Variants in RANBP17 observed in about 807,000 individuals in gnomAD.
RANBP17 encodes the protein RAN binding protein 17, also known as ran-binding protein 17.
A neutral mutation model predicts 141.2 loss-of-function variants in RANBP17; 158 were observed. That is an observed-to-expected ratio of 1.12 (90% CI 0.98 to 1.28). RANBP17 has a LOEUF of 1.28. Ranked by LOEUF, RANBP17 falls within the 50% of genes most tolerant of loss-of-function variation. RANBP17 has a pLI of 0.00. For missense variants in RANBP17, 1,438 were observed against 1,290.7 expected (o/e 1.11, Z -1.75); for synonymous variants, 430 against 450.0 (o/e 0.96, Z 0.56).
chr5:171,205,746 A>C, intron 20 of RANBP17, 134 bp downstream of exon 20: 1 of 743,880 alleles, frequency 1.3e-6, no homozygotes, highest in Non-Finnish European at 2.4e-6. Flanking sequence ...TCAGCTAAAA[A>C]TTACAGCACA....
intron 5 of RANBP17, among the ~76,000 whole-genome samples, chr5:170,909,452 G>A (rs1381901206): frequency 2.0e-5 from 3 of 151,344 alleles, no homozygotes; most frequent in Non-Finnish European, 4.4e-5. Context: ...TTTATAATCT[G>A]TGTTGTTTAT....
chr5:170,991,907 T>C lies in RANBP17; in HGVS notation c.1710+23530T>C, dbSNP rs114478263. Among the ~76,000 whole-genome samples the C allele has an allele frequency of 4.0e-3, 602 of 152,152 alleles. 7 individuals carry two copies. The highest frequency in any genetic ancestry group is 0.014 in the African/African-American group (577 of 41,546). On this transcript the variant is annotated intron_variant, in intron 14 of 27. Coordinates refer to ENST00000523189, the MANE Select transcript of RANBP17 (RefSeq NM_022897.5). ...GTAATCTTTAGAACATCTAATGTAA[T>C]TCTAAATTTGTGTTGGAAACCAACC...
intron 14 of RANBP17, among the ~76,000 whole-genome samples, chr5:170,981,997 G>A (rs1384379241): frequency 6.6e-6 from 1 of 152,164 alleles, no homozygotes; most frequent in Non-Finnish European, 1.5e-5. Context: ...AGCACAACTG[G>A]AGATTGTCTC....
At chr5:170,957,551 T>G (rs953928368) in intron 13 of RANBP17, among the ~76,000 whole-genome samples, 7 of 152,352 alleles carry the variant, frequency 4.6e-5, no homozygotes, top group East Asian at 1.9e-4. Context: ...CTTTCCCAAC[T>G]GAGGTTGAAC....
intron 14 of RANBP17, among the ~76,000 whole-genome samples, chr5:171,124,686 G>A (rs538300522): frequency 6.6e-6 from 1 of 152,058 alleles, no homozygotes; most frequent in East Asian, 1.9e-4. Context: ...GAAAACACAT[G>A]AAAGTATAAA....
At chr5:170,903,293 ACCGC>A (rs1770800616) in intron 5 of RANBP17, among the ~76,000 whole-genome samples, 1 of 151,886 alleles carries the variant, frequency 6.6e-6, no homozygotes, top group Non-Finnish European at 1.5e-5. Flanking sequence ...TGAGGGCAAA[ACCGC>A]CTACTCAAGC....
chr5:170,996,743 ATAATT>A (rs1355121632), intron 14 of RANBP17, among the ~76,000 whole-genome samples: 1 of 152,198 alleles, frequency 6.6e-6, no homozygotes, highest in East Asian at 1.9e-4. Context: ...TTAGAAAAGA[ATAATT>A]TATCTTTCTC....
At chr5:170,894,829 T>C (rs1168638683) in intron 4 of RANBP17, among the ~76,000 whole-genome samples, 4 of 152,162 alleles carry the variant, frequency 2.6e-5, no homozygotes, top group African/African-American at 9.7e-5. Context: ...TATGTAAGAC[T>C]GTAAATGAAC....
At chr5:171,268,403 A>G (rs1251030506) in intron 25 of RANBP17, among the ~76,000 whole-genome samples, 1 of 152,166 alleles carries the variant, frequency 6.6e-6, no homozygotes, top group Non-Finnish European at 1.5e-5. Context: ...TTGGAATTTG[A>G]AGCAAGGTCT....
At chr5:171,184,506 TAC>T (rs957148802) in intron 18 of RANBP17, among the ~76,000 whole-genome samples, 5 of 141,966 alleles carry the variant, frequency 3.5e-5, no homozygotes, top group African/African-American at 5.0e-5. Flanking sequence ...GGTCAAAAGA[TAC>T]AAAGTTTCAG....
At chr5:170,877,810 A>C (rs748752190) in intron 1 of RANBP17, among the ~76,000 whole-genome samples, 4 of 152,108 alleles carry the variant, frequency 2.6e-5, no homozygotes, top group African/African-American at 2.4e-5. Flanking sequence ...TCTCAGCATA[A>C]ATATTATTTC....
chr5:170,965,898 A>G (rs1209135268), intron 13 of RANBP17, among the ~76,000 whole-genome samples: 2 of 152,096 alleles, frequency 1.3e-5, no homozygotes, highest in African/African-American at 2.4e-5. Flanking sequence ...TTTTGGTTCC[A>G]TATGAACTTT....
At chr5:171,095,053 C>G (rs544987428) in intron 14 of RANBP17, among the ~76,000 whole-genome samples, 1 of 152,178 alleles carries the variant, frequency 6.6e-6, no homozygotes, top group African/African-American at 2.4e-5. Context: ...AGGCCCTTGT[C>G]AGATGCTGGT....
In RANBP17 at chr5:171,270,023, G is replaced by T. The variant is rs375133918; in HGVS notation, c.2943+4176G>T. ...TTTGCTGGAAGCATAATTGCATGAG[G>T]AATGTTAATTCCAAATTGCAAAAGT... is the stretch of plus-strand genomic sequence containing the variant. On this transcript the variant is annotated intron_variant, in intron 25 of 27. Coordinates refer to ENST00000523189, the MANE Select transcript of RANBP17 (RefSeq NM_022897.5). Among the ~76,000 whole-genome samples the T allele has an allele frequency of 1.3e-3, 191 of 152,256 alleles. 7 individuals carry two copies. The South Asian group carries it at 0.038, about 30-fold the overall frequency.
At chr5:170,902,712 T>G (rs1464644731) in intron 5 of RANBP17, among the ~76,000 whole-genome samples, 5 of 152,184 alleles carry the variant, frequency 3.3e-5, no homozygotes. Context: ...TTTGTGTGGA[T>G]GTCCTTTTTG....
At chr5:171,175,062 G>GT (rs1309271609) in intron 16 of RANBP17, among the ~76,000 whole-genome samples, 1 of 151,872 alleles carries the variant, frequency 6.6e-6, no homozygotes, top group African/African-American at 2.4e-5. Flanking sequence ...TTGGTTTTCT[G>GT]TCCCGTGTTA....
intron 18 of RANBP17, among the ~76,000 whole-genome samples, chr5:171,186,757 C>T (rs1761287170): frequency 6.6e-6 from 1 of 151,468 alleles, no homozygotes; most frequent in South Asian, 2.1e-4. Context: ...GGGATGGTCT[C>T]GATCTCCTGA....
intron 14 of RANBP17, among the ~76,000 whole-genome samples, chr5:171,083,275 C>T (rs1785374185): frequency 6.6e-6 from 1 of 152,062 alleles, no homozygotes; most frequent in Non-Finnish European, 1.5e-5. Context: ...AGAGTGGAAC[C>T]TTCATGAAAG....
chr5:170,896,074 G>A lies in RANBP17; in HGVS notation c.448G>A (p.Gly150Arg). The A allele has an allele frequency of 6.2e-7, 1 of 1,608,482 alleles. No homozygotes were observed. ...LQGTVEHCII[G>R]VIILSELTQE... is the part of the protein sequence containing the mutation. ...GGGTACTGTGGAACACTGCATAATAGGAGTAATAATCCTTTCTGAATTGAC... is the reference window on the plus strand; with the variant it reads ...GGGTACTGTGGAACACTGCATAATAAGAGTAATAATCCTTTCTGAATTGAC... Residue 150 changes from glycine (G) to arginine (R), a missense_variant, in exon 5 of 28, where the codon GGA becomes AGA. Gly to Arg is a moderately radical substitution (Grantham distance 125). Transcript: ENST00000523189.
Sources: allele counts gnomAD v4.1 joint callset (sites outside exome capture counted in the v4.1 genomes callset), GRCh38; gene constraint gnomAD v4.1.1; transcripts MANE v1.5; gene names NCBI Gene and HGNC (gene_info 2026-07-23, HGNC 2026-07-21).